The following EIPR1 variants were observed in gnomAD, a reference collection of about 807,000 sequenced individuals.
The protein encoded by EIPR1 is EARP complex and GARP complex interacting protein 1.
A neutral mutation model predicts 48.1 loss-of-function variants in EIPR1; 25 were observed. The ratio of observed to expected loss-of-function variants is 0.52; its 90% confidence interval spans 0.38 to 0.73. EIPR1 has a LOEUF of 0.73. Among genes scored for constraint, EIPR1 ranks in the 30% least tolerant of loss-of-function variants. The pLI is 0.00. For synonymous variants in EIPR1, 204 were observed against 201.9 expected (o/e 1.01, Z -0.09); for missense variants, 415 against 506.2 (o/e 0.82, Z 1.73).
chr2:3,257,578 G>C lies in EIPR1; in HGVS notation c.260-123C>G, dbSNP rs140596467. On this transcript the variant is annotated intron_variant, in intron 3 of 8. Transcript: ENST00000382125. The stretch of plus-strand genomic sequence containing the variant: ...CGCATCTGCTCTTTAAAATATGTAC[G>C]ATTGCAGGCAGCAAAGACGGAGCAG... 265 of 1,214,054 alleles carry C rather than the reference G, an allele frequency of 2.2e-4. 4 individuals are homozygous for C. In the South Asian group the frequency reaches 3.3e-3, roughly 15 times the overall value. The allele number at this position is 1,214,054 out of a possible 1,614,324, so 75.2% of individuals were successfully genotyped here. A position where few individuals can be genotyped will look rare whatever the true frequency, so the allele number is the denominator to read the frequency against.
At chr2:3,278,490 C>T (rs1667925899) in intron 3 of EIPR1, among the ~76,000 whole-genome samples, 1 of 152,162 alleles carries the variant, frequency 6.6e-6, no homozygotes, top group African/African-American at 2.4e-5. Context: ...CTCCTTAATC[C>T]AAGCCCTGTC....
At chr2:3,206,719 T>C (rs1665248750) in intron 5 of EIPR1, among the ~76,000 whole-genome samples, 2 of 152,120 alleles carry the variant, frequency 1.3e-5, no homozygotes, top group African/African-American at 4.8e-5. Context: ...ACACTCAAAA[T>C]TGGAAAGACC....
intron 3 of EIPR1, among the ~76,000 whole-genome samples, chr2:3,317,294 G>C (rs534772888): frequency 6.7e-6 from 1 of 149,310 alleles, no homozygotes; most frequent in South Asian, 2.1e-4. Flanking sequence ...CCCCAGGAGC[G>C]CACGAGGTGC....
intron 2 of EIPR1, chr2:3,353,462 T>C (rs1670640150): frequency 2.7e-6 from 1 of 364,750 alleles, no homozygotes; most frequent in East Asian, 7.5e-5. Flanking sequence ...TTTTAATGAG[T>C]GTAATAAGGG....
intron 3 of EIPR1, among the ~76,000 whole-genome samples, chr2:3,330,669 G>A (rs80127672): frequency 1.9e-5 from 2 of 105,402 alleles, no homozygotes; most frequent in Non-Finnish European, 4.6e-5. Context: ...AAAGGCAGGT[G>A]CACACACATG....
At chr2:3,276,162 T>G (rs576858085) in intron 3 of EIPR1, among the ~76,000 whole-genome samples, 2 of 152,384 alleles carry the variant, frequency 1.3e-5, no homozygotes, top group South Asian at 4.1e-4. Flanking sequence ...ACTCGATTTT[T>G]AGAAATTACC....
intron 3 of EIPR1, among the ~76,000 whole-genome samples, chr2:3,280,056 A>T (rs1481820666): frequency 6.6e-6 from 1 of 152,242 alleles, no homozygotes; most frequent in Non-Finnish European, 1.5e-5. Context: ...TATGGAGCCC[A>T]TTCTGGTTCA....
At position 3,194,049 on chromosome 2, in the gene EIPR1, G is replaced by A. The variant is rs1390347046; in HGVS notation, c.771C>T (p.Asp257=). ...TCACGGGTTCGGTGACATTTCGGGT[G>A]TCCCAGAACTTCACCTTACAGTCGT... ...CGDDCKVKFW[D]TRNVTEPVKT... Residue 257 remains aspartate (D), a synonymous_variant, in exon 7 of 9, where the codon GAC becomes GAT. Coordinates refer to ENST00000382125, the MANE Select transcript of EIPR1 (RefSeq NM_003310.5). The A allele has an allele frequency of 6.2e-7, 1 of 1,613,922 alleles. No individual in the cohort carries two copies. The highest frequency in any genetic ancestry group is 8.5e-7 in the Non-Finnish European group (1 of 1,180,018).
chr2:3,240,057 C>A (rs1477039768), intron 4 of EIPR1, among the ~76,000 whole-genome samples: 1 of 146,510 alleles, frequency 6.8e-6, no homozygotes, highest in African/African-American at 2.5e-5. Context: ...AGCCAGTAGA[C>A]CCTTCCTAAA....
chr2:3,240,750 G>A (rs1374737134), intron 4 of EIPR1, among the ~76,000 whole-genome samples: 1 of 147,818 alleles, frequency 6.8e-6, no homozygotes, highest in Non-Finnish European at 1.5e-5. Context: ...CTAAAGCAAA[G>A]CCAGTAGATC....
chr2:3,366,456 C>T (rs1199177310), intron 1 of EIPR1, among the ~76,000 whole-genome samples: 1 of 152,192 alleles, frequency 6.6e-6, no homozygotes, highest in East Asian at 1.9e-4. Context: ...GACAGACAAC[C>T]CCCAAAACAC....
intron 1 of EIPR1, among the ~76,000 whole-genome samples, chr2:3,355,812 T>TAAAATAAAATA (rs1670709696): frequency 1.9e-4 from 28 of 148,806 alleles, no homozygotes; most frequent in Non-Finnish European, 2.5e-4. Flanking sequence ...AGACCCTGTC[T>TAAAATAAAATA]AAATAAAATA....
At chr2:3,358,907 A>C (rs1332829725) in intron 1 of EIPR1, among the ~76,000 whole-genome samples, 2 of 152,212 alleles carry the variant, frequency 1.3e-5, no homozygotes, top group East Asian at 1.9e-4. Flanking sequence ...CAAAAATAGC[A>C]CCCAGGAGAG....
intron 3 of EIPR1, among the ~76,000 whole-genome samples, chr2:3,322,896 C>A (rs980260932): frequency 6.6e-6 from 1 of 152,232 alleles, no homozygotes; most frequent in Non-Finnish European, 1.5e-5. Flanking sequence ...CCGTCCCTCC[C>A]GCAGCTGCCG....
intron 1 of EIPR1, 31 bp from the exon 2 acceptor site, chr2:3,354,664 T>TTA: frequency 6.2e-7 from 1 of 1,602,186 alleles, no homozygotes; most frequent in East Asian, 2.2e-5. Context: ...ACATGCACAT[T>TTA]TATGAAGTTA....
chr2:3,339,714 C>T (rs1228770008), intron 2 of EIPR1, among the ~76,000 whole-genome samples: 2 of 152,056 alleles, frequency 1.3e-5, no homozygotes, highest in African/African-American at 2.4e-5. Flanking sequence ...TTTGGGAGGC[C>T]GAGGCGGGCG....
At chr2:3,352,856 G>A (rs1670620813) in intron 2 of EIPR1, among the ~76,000 whole-genome samples, 1 of 152,210 alleles carries the variant, frequency 6.6e-6, no homozygotes, top group Non-Finnish European at 1.5e-5. Context: ...AATTAGCTGG[G>A]CGTGGTGGTG....
At chr2:3,354,459 T>A in intron 2 of EIPR1, 91 bp downstream of exon 2, 1 of 1,199,228 alleles carries the variant, frequency 8.3e-7, no homozygotes, top group Non-Finnish European at 1.2e-6. Flanking sequence ...CATTAATTTC[T>A]CAAATGTTGC....
chr2:3,363,813 A>AG (rs1016115840), intron 1 of EIPR1, among the ~76,000 whole-genome samples: 5 of 151,742 alleles, frequency 3.3e-5, no homozygotes, highest in African/African-American at 1.2e-4. Context: ...CAAAAAAAAA[A>AG]AAAAACACCA....
Sources: gnomAD v4.1 joint callset for allele counts (sites outside exome capture counted in the v4.1 genomes callset) on GRCh38, gnomAD v4.1.1 for gene constraint, MANE v1.5 for transcripts, NCBI Gene and HGNC (gene_info 2026-07-23, HGNC 2026-07-21) for gene names.